Variants in CARNMT1 observed in about 807,000 individuals in gnomAD.
CARNMT1 encodes the protein protein-L-histidine N-pros-methyltransferase CARNMT1.
A neutral mutation model predicts 49.6 loss-of-function variants in CARNMT1; 28 were observed. The ratio of observed to expected loss-of-function variants is 0.56; its 90% CI spans 0.42 to 0.77. CARNMT1 has a LOEUF of 0.77. CARNMT1 is among the 30% of genes least tolerant of loss of function. The probability of loss-of-function intolerance (pLI) is 0.00; values close to 1 mark genes in which losing one functional copy is unlikely to be tolerated. For synonymous variants in CARNMT1, 178 were observed against 175.0 expected, an observed-to-expected ratio of 1.02 and a Z score of -0.13; for missense variants, 421 against 512.6, an observed-to-expected ratio of 0.82 and a Z score of 1.73.
chr9:75,021,493 G>A (rs912448179), intron 1 of CARNMT1, among the ~76,000 whole-genome samples: 62 of 141,066 alleles, frequency 4.4e-4, no homozygotes, highest in African/African-American at 1.4e-3. Context: ...TATATCTACT[G>A]TTCAAAAAAG....
In CARNMT1 at chr9:75,028,187, C is replaced by T; in HGVS notation, c.55G>A (p.Gly19Arg). Residue 19 changes from glycine to arginine, a missense_variant, in exon 1 of 8, where the codon GGG (glycine) becomes AGG (arginine). Physicochemically the swap from Gly to Arg is moderately radical, Grantham distance 125. Transcript: ENST00000376834. ...TCCTCGCTGCCACCGCCTCCTCCCC[C>T]GCAGCCCTCGGGCAGCCGGGAGGTG... ...PPTSRLPEGC[G>R]GGGGGSEEVE... The T allele has an allele frequency of 6.6e-7, 1 of 1,506,704 alleles. No individual in the cohort carries two copies. Among genetic ancestry groups the T allele is most frequent in the African/African-American group, 1.5e-5 (1 of 68,908 alleles). The allele number at this position is 1,506,704 out of a possible 1,614,324, so 93.3% of individuals were successfully genotyped here.
chr9:75,003,078 A>G (rs1412386291), intron 3 of CARNMT1, among the ~76,000 whole-genome samples: 2 of 152,162 alleles, frequency 1.3e-5, no homozygotes, highest in Non-Finnish European at 2.9e-5. Context: ...ACTATAAATC[A>G]GGAGTGTTTA....
chr9:75,027,058 TAGG>T (rs1444078336), intron 1 of CARNMT1: 3 of 1,303,676 alleles, frequency 2.3e-6, no homozygotes, highest in African/African-American at 1.5e-5. Context: ...TTTACCTGCG[TAGG>T]AGGTCATGTC....
chr9:75,027,934 C>G (rs986162121), intron 1 of CARNMT1, 78 bp downstream of exon 1: 2 of 1,403,982 alleles, frequency 1.4e-6, no homozygotes, highest in Non-Finnish European at 1.9e-6. Context: ...GGACGGCGAG[C>G]GCCCCCGTTC....
chr9:74,993,856 C>G (rs1443034050), intron 6 of CARNMT1, among the ~76,000 whole-genome samples: 1 of 152,142 alleles, frequency 6.6e-6, no homozygotes, highest in Non-Finnish European at 1.5e-5. Context: ...GAAGGATATT[C>G]AAGAGCGATT....
rs1232955001 is a variant in CARNMT1, at chr9:75,028,231, C to G, written c.11G>C (p.Arg4Pro). The G allele has an allele frequency of 2.9e-6, 4 of 1,390,922 alleles. No homozygotes were observed. Among genetic ancestry groups the G allele is most frequent in the Non-Finnish European group, 2.8e-6 (3 of 1,076,124 alleles). The allele number at this position is 1,390,922 out of a possible 1,614,324, so 86.2% of individuals were successfully genotyped here. ...GGAGGTGGGCGGCGGAGGGCGACGC[C>G]GTCGCTGCATCGCCGCCGCGGCCCT... MQRRRRPPPPTSRL... is the reference protein window; with the variant it reads MQRPRRPPPPTSRL... Residue 4 changes from arginine to proline, a missense_variant, in exon 1 of 8, where the codon CGG (arginine) becomes CCG (proline). Transcript: ENST00000376834.
chr9:75,020,556 G>A (rs748839610), intron 1 of CARNMT1, among the ~76,000 whole-genome samples: 18 of 152,016 alleles, frequency 1.2e-4, no homozygotes, highest in Admixed American at 6.6e-5. Flanking sequence ...GTGAGCCACC[G>A]CACCCAGCCT....
rs957866248 is a variant in CARNMT1 at position 74,996,648 on chromosome 9, T to C, written c.911-88A>G. ...TTATTTAAATCTGCCAGTTACCTTT[T>C]ACAGAGTATTAATATTTGACAGAGA... is the stretch of plus-strand genomic sequence containing the variant. On this transcript the variant is annotated intron_variant, in intron 5 of 7. Coordinates refer to ENST00000376834, the MANE Select transcript of CARNMT1 (RefSeq NM_152420.3). 8.5e-6 allele frequency: 6 copies of C among 703,162 alleles called. No homozygotes were observed. The South Asian group carries it at 1.1e-4, about 12-fold the overall frequency. 43.6% of individuals were successfully genotyped at this position (703,162 alleles called of 1,614,324 possible).
Position 75,010,553 on chromosome 9 carries a change from T to G in CARNMT1, c.590+5715A>C, listed in dbSNP as rs1315515867. 2.6e-5 allele frequency among the ~76,000 whole-genome samples: 4 copies of G among 152,306 alleles called. No individual in the cohort carries two copies. The East Asian group carries it at 7.7e-4, about 29-fold the overall frequency. ...GGAGGAGAAGGAGTGGGTAGAGTCA[T>G]GTGAAACCTAAGAGACGACATGAAA... On this transcript the variant is annotated intron_variant, in intron 3 of 7. Transcript: ENST00000376834.
In CARNMT1 at chr9:75,028,011, C is replaced by A. The variant is rs765952179; in HGVS notation, c.230+1G>T. 1 of 1,566,642 alleles carries A rather than the reference C, an allele frequency of 6.4e-7. No homozygotes were observed. Among genetic ancestry groups the A allele is most frequent in the South Asian group, 1.2e-5 (1 of 86,404 alleles). On this transcript the variant is annotated splice_donor_variant, in intron 1 of 7. Transcript: ENST00000376834. LOFTEE classifies it high-confidence loss of function. ...GCCGGGGTCCGCCACGGGCTCCTTA[C>A]CCGTAGTAGCGGAAGGCATTAATGA...
chr9:74,980,931 T>C lies in CARNMT1; in HGVS notation c.*2836A>G, dbSNP rs2118733862. 1 of 152,228 alleles carries C rather than the reference T, an allele frequency of 6.6e-6. No individual in the cohort carries two copies. 9.4% of individuals were successfully genotyped at this position (152,228 alleles called of 1,614,324 possible). A position where few individuals can be genotyped will look rare whatever the true frequency, so the allele number is the denominator to read the frequency against. ...TTAGAAGCATATAAAAATAGGCTAATCCAAGAGTTCAAAAGTATATATGCT... is the reference window on the plus strand; with the variant it reads ...TTAGAAGCATATAAAAATAGGCTAACCCAAGAGTTCAAAAGTATATATGCT... On this transcript the variant is annotated 3_prime_UTR_variant, in exon 8 of 8. Transcript: ENST00000376834.
chr9:75,011,915 TC>T (rs1317806545), intron 3 of CARNMT1, among the ~76,000 whole-genome samples: 7 of 152,108 alleles, frequency 4.6e-5, no homozygotes, highest in African/African-American at 1.7e-4. Context: ...GACAGATTCT[TC>T]CCCAGTCAAG....
chr9:75,003,882 C>A (rs984654282), intron 3 of CARNMT1, among the ~76,000 whole-genome samples: 1 of 152,140 alleles, frequency 6.6e-6, no homozygotes, highest in African/African-American at 2.4e-5. Flanking sequence ...TTGTTTTGTT[C>A]TGTTTTGCTA....
chr9:75,027,189 G>A (rs905782274), intron 1 of CARNMT1: 2 of 1,207,240 alleles, frequency 1.7e-6, no homozygotes, highest in Admixed American at 4.8e-5. Context: ...TTCAGCTCTT[G>A]GAATTATAAT....
intron 6 of CARNMT1, among the ~76,000 whole-genome samples, chr9:74,990,862 G>C (rs776725607): frequency 4.6e-5 from 7 of 152,130 alleles, no homozygotes; most frequent in Non-Finnish European, 7.4e-5. Flanking sequence ...ATTTACACCT[G>C]TAAGGCTCTA....
At chr9:74,993,918 G>A (rs1050147580) in intron 6 of CARNMT1, among the ~76,000 whole-genome samples, 1 of 152,122 alleles carries the variant, frequency 6.6e-6, no homozygotes, top group Admixed American at 6.5e-5. Context: ...AAACAGCGAG[G>A]AAAAAGAGAG....
intron 1 of CARNMT1, among the ~76,000 whole-genome samples, chr9:75,022,299 C>T (rs1226303445): frequency 7.1e-6 from 1 of 141,070 alleles, no homozygotes; most frequent in Non-Finnish European, 1.5e-5. Context: ...TCTCAGCTCA[C>T]TGCCAGCTCT....
rs762013144 is a variant in CARNMT1, at chr9:75,017,308, A to G, written c.371T>C (p.Leu124Pro). 1 of 1,613,928 alleles carries G rather than the reference A, an allele frequency of 6.2e-7. No homozygotes were observed. The highest frequency in any genetic ancestry group is 8.5e-7 in the Non-Finnish European group (1 of 1,179,826). ...ATGTATGCAATCATTCACAATGGTC[A>G]GTAGTATTTCTTGATTATGATCAAT... The part of the protein sequence containing the change: ...KCIDHNQEIL[L>P]TIVNDCIHMF... The change falls in exon 2 of 8, where the codon CTG becomes CCG. Residue 124 changes from leucine (L) to proline (P), a missense_variant. By Grantham distance (98) the Leu-to-Pro change is moderately conservative. Coordinates refer to ENST00000376834, the MANE Select transcript of CARNMT1 (RefSeq NM_152420.3).
chr9:75,014,041 A>C (rs1251281452), intron 3 of CARNMT1, among the ~76,000 whole-genome samples: 18 of 126,790 alleles, frequency 1.4e-4, no homozygotes, highest in African/African-American at 2.5e-4. Context: ...AAAAAAAAAA[A>C]CCCCAAGAAT....
Sources: gnomAD v4.1 joint callset for allele counts (sites outside exome capture counted in the v4.1 genomes callset) on GRCh38, gnomAD v4.1.1 for gene constraint, MANE v1.5 for transcripts, NCBI Gene and HGNC (gene_info 2026-07-23, HGNC 2026-07-21) for gene names.